Variants in AQP7 observed in about 807,000 individuals in gnomAD.
The protein encoded by AQP7 is aquaporin-7.
AQP7 carries 22 observed loss-of-function variants against 26.1 expected under a neutral mutation model. The ratio of observed to expected loss-of-function variants is 0.84; its 90% CI spans 0.60 to 1.20. The LOEUF is 1.20. AQP7 is among the 50% of genes most tolerant of loss of function. The pLI is 0.00. For missense variants in AQP7, 412 were observed against 457.5 expected (o/e 0.90, Z 0.91); for synonymous variants, 167 against 181.7 (o/e 0.92, Z 0.65).
intron 3 of AQP7, among the ~76,000 whole-genome samples, chr9:33,387,490 C>T (rs1824959314): frequency 6.6e-6 from 1 of 152,058 alleles, no homozygotes; most frequent in Non-Finnish European, 1.5e-5. Flanking sequence ...AAGGGACCTC[C>T]AAATCCATCC....
intron 3 of AQP7, 93 bp downstream of exon 3, chr9:33,394,985 A>T: frequency 9.1e-7 from 1 of 1,103,248 alleles, no homozygotes; most frequent in Admixed American, 1.8e-5. Context: ...AGAGGCAAGG[A>T]ATGGACAATG....
rs1162875098 is a variant in AQP7, at chr9:33,385,859, A to G, written c.533T>C (p.Leu178Pro). The change falls in exon 7 of 8, where the codon CTG becomes CCG. Residue 178 changes from leucine (L) to proline (P), a missense_variant. Physicochemically the swap from Leu to Pro is moderately conservative, Grantham distance 98. Coordinates refer to ENST00000297988, the MANE Select transcript of AQP7 (RefSeq NM_001170.3). ...GAGACACAGCTGGAGCATCCCGGTCAGCCACGCCTGAGGAGCAGATGCTGT... is the reference window on the plus strand; with the variant it reads ...GAGACACAGCTGGAGCATCCCGGTCGGCCACGCCTGAGGAGCAGATGCTGT... ...LWRGFLNEAWLTGMLQLCLFA... is the reference protein window; with the variant it reads ...LWRGFLNEAWPTGMLQLCLFA... The G allele has an allele frequency of 6.2e-7, 1 of 1,607,484 alleles. No individual in the cohort carries two copies. The highest frequency in any genetic ancestry group is 1.7e-5 in the Admixed American group (1 of 59,950).
intron 1 of AQP7, chr9:33,401,962 G>T (rs149646867): frequency 1.3e-5 from 2 of 152,610 alleles, no homozygotes; most frequent in African/African-American, 2.4e-5. Flanking sequence ...AGGGGACTGC[G>T]TGGGAGGAAT....
At chr9:33,390,982 A>G (rs1422387295) in intron 3 of AQP7, among the ~76,000 whole-genome samples, 3 of 152,150 alleles carry the variant, frequency 2.0e-5, no homozygotes, top group African/African-American at 7.2e-5. Context: ...GTGGTGGCAC[A>G]TGCCTGTAAT....
intron 3 of AQP7, among the ~76,000 whole-genome samples, chr9:33,389,747 G>T (rs1195993853): frequency 6.6e-6 from 1 of 152,114 alleles, no homozygotes; most frequent in East Asian, 1.9e-4. Flanking sequence ...GGGTAAGAAG[G>T]CAGACCAGGC....
chr9:33,387,934 G>A (rs1198583969), intron 3 of AQP7, among the ~76,000 whole-genome samples: 4 of 152,116 alleles, frequency 2.6e-5, no homozygotes, highest in Middle Eastern at 3.2e-3. Context: ...GCTTCAGTCA[G>A]GCCGCAGGAG....
intron 2 of AQP7, 46 bp from the exon 3 acceptor site, chr9:33,395,241 T>C (rs1296387681): frequency 6.6e-7 from 1 of 1,522,932 alleles, no homozygotes; most frequent in Non-Finnish European, 9.1e-7. Flanking sequence ...GACTCAAGTC[T>C]GCCTGCTGCC....
intron 2 of AQP7, among the ~76,000 whole-genome samples, chr9:33,400,534 C>A (rs1445966575): frequency 6.6e-6 from 1 of 152,132 alleles, no homozygotes; most frequent in Non-Finnish European, 1.5e-5. Flanking sequence ...GTAATCCCAA[C>A]CTTTTGGGAG....
chr9:33,395,808 T>G (rs1825806137), intron 2 of AQP7, among the ~76,000 whole-genome samples: 1 of 151,342 alleles, frequency 6.6e-6, no homozygotes. Flanking sequence ...TGTGAGAGAG[T>G]GAGTGAATGA....
chr9:33,391,772 T>A (rs1417262352), intron 3 of AQP7, among the ~76,000 whole-genome samples: 1 of 152,162 alleles, frequency 6.6e-6, no homozygotes, highest in African/African-American at 2.4e-5. Context: ...AACAACACAA[T>A]GTCCGATATA....
chr9:33,388,248 CTCCTCACTCTATGT>C (rs1380761770), intron 3 of AQP7, among the ~76,000 whole-genome samples: 5 of 152,210 alleles, frequency 3.3e-5, no homozygotes, highest in Non-Finnish European at 5.9e-5. Flanking sequence ...AGCACACCTG[CTCCTCACTCTATGT>C]TCCCCATCCC....
At chr9:33,401,190 G>A in intron 2 of AQP7, 47 bp downstream of exon 2, 1 of 1,544,290 alleles carries the variant, frequency 6.5e-7, no homozygotes, top group Non-Finnish European at 8.8e-7. Context: ...AAGTGGGCTG[G>A]GTGAAGGACA....
chr9:33,388,457 T>C (rs1825075967), intron 3 of AQP7, among the ~76,000 whole-genome samples: 1 of 152,176 alleles, frequency 6.6e-6, no homozygotes. Flanking sequence ...CTCCTCCACT[T>C]CTAGGATAAA....
intron 3 of AQP7, among the ~76,000 whole-genome samples, chr9:33,390,546 T>C (rs1485963017): frequency 6.7e-6 from 1 of 148,606 alleles, no homozygotes; most frequent in Non-Finnish European, 1.5e-5. Context: ...CCAGATATGG[T>C]GGGGGAGAGG....
chr9:33,401,470 C>T (rs1311955618), intron 1 of AQP7, 183 bp from the exon 2 acceptor site: 7 of 589,500 alleles, frequency 1.2e-5, no homozygotes, highest in Non-Finnish European at 1.8e-5. Context: ...GCCCTGGAGC[C>T]CCACCCCACC....
rs1274125838 is a variant in AQP7, at chr9:33,387,000, G to A, written c.237C>T (p.Thr79=). The part of the protein sequence containing the change: ...GVNLGFGFGV[T]MGVHVAGRIS... ...TGCGGCCTGCCACGTGCACTCCCAT[G>A]GTGACTCCGAAGCCAAAACCCAAGT... The change falls in exon 4 of 8, where the codon ACC becomes ACT. Residue 79 remains threonine, a synonymous_variant. Transcript: ENST00000297988. The A allele has an allele frequency of 2.5e-6, 4 of 1,612,004 alleles. No homozygotes were observed. In the Admixed American group the frequency reaches 5.0e-5, roughly 20 times the overall value.
In AQP7 at chr9:33,384,135, T is replaced by TG. The variant is rs545225190; in HGVS notation, c.*869dup. On this transcript the variant is annotated 3_prime_UTR_variant, in exon 8 of 8. Coordinates refer to ENST00000297988, the MANE Select transcript of AQP7 (RefSeq NM_001170.3). ...GATTCCTGCCTGGCCCCAGGGTCAGTGGATCCTGGCCCCTCACCCCACCCA... is the reference window on the plus strand; with the variant it reads ...GATTCCTGCCTGGCCCCAGGGTCAGTGGGATCCTGGCCCCTCACCCCACCCA... 2.3e-4 allele frequency: 35 copies of TG among 152,312 alleles called. No homozygotes were observed. Among genetic ancestry groups the TG allele is most frequent in the African/African-American group, 8.2e-4 (34 of 41,556 alleles). The allele number at this position is 152,312 out of a possible 1,614,324, so 9.4% of individuals were successfully genotyped here. A position where few individuals can be genotyped will look rare whatever the true frequency, so the allele number is the denominator to read the frequency against.
At position 33,383,425 on chromosome 9, in the gene AQP7, G is replaced by A. The variant is rs1587073904; in HGVS notation, c.*1580C>T. 3 of 152,126 alleles carry A rather than the reference G, an allele frequency of 2.0e-5. No individual in the cohort carries two copies. Among genetic ancestry groups the A allele is most frequent in the African/African-American group, 7.2e-5 (3 of 41,482 alleles). 9.4% of individuals were successfully genotyped at this position (152,126 alleles called of 1,614,324 possible). On this transcript the variant is annotated 3_prime_UTR_variant, in exon 8 of 8. Coordinates refer to ENST00000297988, the MANE Select transcript of AQP7 (RefSeq NM_001170.3). ...TTTCCTCACTTGTGCCCTACTCTCA[G>A]TGGGGACATCTCCAATCCCCAGGCC... is the stretch of plus-strand genomic sequence containing the variant.
At position 33,387,105 on chromosome 9, in the gene AQP7, G is replaced by T. The variant is rs770853183; in HGVS notation, c.145-13C>A. 1.6e-5 allele frequency: 26 copies of T among 1,610,760 alleles called. No individual in the cohort carries two copies. In the East Asian group the frequency reaches 5.6e-4, roughly 35 times the overall value. On this transcript the variant is annotated splice_polypyrimidine_tract_variant and intron_variant, in intron 3 of 7. Transcript: ENST00000297988. ...CAAGGCCGAATACCTACAAGGGAGGGCCTCTAAGGGGGCTGCCTGCCCAGA... is the reference window on the plus strand; with the variant it reads ...CAAGGCCGAATACCTACAAGGGAGGTCCTCTAAGGGGGCTGCCTGCCCAGA...
Sources: allele counts gnomAD v4.1 joint callset (sites outside exome capture counted in the v4.1 genomes callset), GRCh38; gene constraint gnomAD v4.1.1; transcripts MANE v1.5; gene names NCBI Gene and HGNC (gene_info 2026-07-23, HGNC 2026-07-21).